The following ASIC2 variants were observed in gnomAD, a reference collection of about 807,000 sequenced individuals.
ASIC2 encodes the protein acid sensing ion channel subunit 2, also known as acid-sensing ion channel 2.
Under a neutral mutation model 57.3 loss-of-function variants are expected in ASIC2, and 25 were observed. The ratio of observed to expected loss-of-function variants is 0.44; its 90% CI spans 0.32 to 0.61. The LOEUF is 0.61. ASIC2 is among the 20% of genes least tolerant of loss of function. The pLI is 0.06. For synonymous variants in ASIC2, 319 were observed against 307.5 expected (o/e 1.04, Z -0.39); for missense variants, 641 against 738.1 (o/e 0.87, Z 1.52).
intron 1 of ASIC2, among the ~76,000 whole-genome samples, chr17:34,130,342 G>A (rs2142127102): frequency 6.6e-6 from 1 of 152,304 alleles, no homozygotes; most frequent in East Asian, 1.9e-4. Flanking sequence ...TTCAACTACT[G>A]CTTTCCTCCT....
At chr17:33,218,322 G>A (rs879679031) in intron 1 of ASIC2, among the ~76,000 whole-genome samples, 7 of 152,114 alleles carry the variant, frequency 4.6e-5, no homozygotes, top group South Asian at 2.1e-4. Context: ...AATTGGGCTC[G>A]ACATGTGCTC....
chr17:34,072,305 G>A (rs926454075), intron 1 of ASIC2: 2 of 152,244 alleles, frequency 1.3e-5, no homozygotes, highest in African/African-American at 4.8e-5. Flanking sequence ...TTTCAATGCT[G>A]AGCCCAGCTG....
At chr17:33,583,607 T>C (rs558808128) in intron 1 of ASIC2, among the ~76,000 whole-genome samples, 106 of 152,328 alleles carry the variant, frequency 7.0e-4, no homozygotes, top group African/African-American at 2.4e-3. Flanking sequence ...ACAATGCCTG[T>C]CCTGTTTAGG....
At chr17:33,725,527 G>A (rs904425522) in intron 1 of ASIC2, among the ~76,000 whole-genome samples, 1 of 152,190 alleles carries the variant, frequency 6.6e-6, no homozygotes, top group Non-Finnish European at 1.5e-5. Flanking sequence ...CAGCTTGTAA[G>A]ACTCAGTGCC....
intron 1 of ASIC2, among the ~76,000 whole-genome samples, chr17:33,850,279 T>A (rs16968943): frequency 0.023 from 3,551 of 152,312 alleles, 119 homozygotes; most frequent in African/African-American, 0.081. Flanking sequence ...TCATGAAAAC[T>A]TCTGTGCAAC....
At chr17:33,877,476 A>T (rs1339461610) in intron 1 of ASIC2, among the ~76,000 whole-genome samples, 1 of 152,222 alleles carries the variant, frequency 6.6e-6, no homozygotes, top group African/African-American at 2.4e-5. Flanking sequence ...ATTATAACCC[A>T]TTCCTGGCTC....
chr17:33,226,380 G>T (rs1421308419), intron 1 of ASIC2, among the ~76,000 whole-genome samples: 1 of 152,174 alleles, frequency 6.6e-6, no homozygotes, highest in East Asian at 1.9e-4. Context: ...ATAGGGTTTT[G>T]GAAGATGAAT....
chr17:33,027,170 A>G (rs1274179414), intron 4 of ASIC2, among the ~76,000 whole-genome samples: 1 of 152,110 alleles, frequency 6.6e-6, no homozygotes, highest in Non-Finnish European at 1.5e-5. Context: ...TCGACTACCC[A>G]CATTCTTCCA....
intron 1 of ASIC2, among the ~76,000 whole-genome samples, chr17:33,170,730 C>T (rs183187453): frequency 7.2e-5 from 11 of 152,284 alleles, no homozygotes; most frequent in Non-Finnish European, 1.5e-4. Flanking sequence ...CTTCAAAGAT[C>T]TTACAGGTCA....
intron 1 of ASIC2, among the ~76,000 whole-genome samples, chr17:33,350,516 C>T (rs1908121720): frequency 6.6e-6 from 1 of 152,008 alleles, no homozygotes; most frequent in South Asian, 2.1e-4. Context: ...CCCGTCTCTA[C>T]TAAAAATACA....
intron 1 of ASIC2, among the ~76,000 whole-genome samples, chr17:33,223,322 A>G (rs1378080486): frequency 1.3e-5 from 2 of 152,026 alleles, no homozygotes; most frequent in Non-Finnish European, 2.9e-5. Context: ...AGCTGGGATT[A>G]CAGATGTGTG....
At chr17:33,301,196 A>ATTTT (rs779633855) in intron 1 of ASIC2, among the ~76,000 whole-genome samples, 4 of 141,140 alleles carry the variant, frequency 2.8e-5, no homozygotes, top group African/African-American at 1.0e-4. Flanking sequence ...TGCCTGGCTA[A>ATTTT]TTTTTTTTTT....
chr17:33,864,671 T>C (rs1914186262), intron 1 of ASIC2, among the ~76,000 whole-genome samples: 1 of 152,152 alleles, frequency 6.6e-6, no homozygotes, highest in Admixed American at 6.5e-5. Context: ...CTATGCACTG[T>C]GTGGAGTCAG....
chr17:33,290,429 G>T (rs751301272), intron 1 of ASIC2, among the ~76,000 whole-genome samples: 2 of 152,206 alleles, frequency 1.3e-5, no homozygotes, highest in Non-Finnish European at 2.9e-5. Context: ...ACACACGAAT[G>T]GCTGGACAGG....
intron 1 of ASIC2, among the ~76,000 whole-genome samples, chr17:33,855,903 T>C (rs1913914681): frequency 1.3e-5 from 2 of 151,972 alleles, no homozygotes; most frequent in African/African-American, 2.4e-5. Context: ...TCCAACCCAA[T>C]AGTTGTTGAT....
chr17:34,107,423 C>T (rs1005253543), intron 1 of ASIC2, among the ~76,000 whole-genome samples: 2 of 152,184 alleles, frequency 1.3e-5, no homozygotes, highest in Admixed American at 1.3e-4. Flanking sequence ...GGAAGAAGAT[C>T]ACCTAAGCCT....
intron 1 of ASIC2, among the ~76,000 whole-genome samples, chr17:33,807,573 T>TTA: frequency 6.6e-6 from 1 of 152,232 alleles, no homozygotes; most frequent in East Asian, 1.9e-4. Context: ...CTTTCCCTCT[T>TTA]TACTCTCTTT....
At chr17:33,605,569 A>G (rs953661692) in intron 1 of ASIC2, among the ~76,000 whole-genome samples, 4 of 152,232 alleles carry the variant, frequency 2.6e-5, no homozygotes, top group African/African-American at 7.2e-5. Flanking sequence ...AACATGCTTT[A>G]TGCTGCTAAA....
chr17:33,826,646 A>G (rs1213028956), intron 1 of ASIC2, among the ~76,000 whole-genome samples: 3 of 152,198 alleles, frequency 2.0e-5, no homozygotes, highest in Admixed American at 2.0e-4. Context: ...GCTCCATCAC[A>G]TGCTTTTTCT....
Sources: allele counts gnomAD v4.1 joint callset (sites outside exome capture counted in the v4.1 genomes callset), GRCh38; gene constraint gnomAD v4.1.1; transcripts MANE v1.5; gene names NCBI Gene and HGNC (gene_info 2026-07-23, HGNC 2026-07-21).